Variants in DDX10 observed in about 807,000 individuals in gnomAD.
DDX10 encodes the protein DEAD-box helicase 10.
In DDX10, 74 loss-of-function variants were observed where a neutral mutation model predicts 104.3. The observed-to-expected ratio is 0.71, with a 90% CI of 0.59 to 0.86. The LOEUF is 0.86. Ranked by LOEUF, DDX10 falls within the 40% of genes least tolerant of loss-of-function variation. The pLI, the probability that DDX10 is intolerant of heterozygous loss-of-function variation, is 0.00. For missense variants in DDX10, 952 were observed against 1,040.0 expected, an observed-to-expected ratio of 0.92 and a Z score of 1.16; for synonymous variants, 351 against 353.4, an observed-to-expected ratio of 0.99 and a Z score of 0.08.
At chr11:108,695,791 A>G (rs2169562) in intron 9 of DDX10, among the ~76,000 whole-genome samples, 69,687 of 148,872 alleles carry the variant, frequency 0.47, 19,211 homozygotes, top group Non-Finnish European at 0.61. Flanking sequence ...TGATTGATTC[A>G]TGTTTATCCT....
chr11:108,896,218 A>G (rs1414428540), intron 16 of DDX10, among the ~76,000 whole-genome samples: 2 of 152,206 alleles, frequency 1.3e-5, no homozygotes, highest in African/African-American at 4.8e-5. Context: ...TCTAAAGAGT[A>G]CTGACAATGG....
intron 13 of DDX10, among the ~76,000 whole-genome samples, chr11:108,786,488 A>C (rs1591817862): frequency 6.6e-6 from 1 of 151,070 alleles, no homozygotes; most frequent in African/African-American, 2.4e-5. Context: ...TGGCGGTGTA[A>C]GTGTTTTCGT....
At chr11:108,734,840 G>T (rs2094316469) in intron 13 of DDX10, among the ~76,000 whole-genome samples, 1 of 152,180 alleles carries the variant, frequency 6.6e-6, no homozygotes, top group South Asian at 2.1e-4. Context: ...GAAATAAGGA[G>T]TTTTCAAATT....
At chr11:108,691,326 A>G (rs2094252199) in intron 7 of DDX10, among the ~76,000 whole-genome samples, 1 of 152,244 alleles carries the variant, frequency 6.6e-6, no homozygotes, top group African/African-American at 2.4e-5. Context: ...ATATTAGAGA[A>G]AATAAAATAA....
At chr11:108,728,806 G>A (rs1171135908) in intron 13 of DDX10, among the ~76,000 whole-genome samples, 1 of 152,058 alleles carries the variant, frequency 6.6e-6, no homozygotes, top group Non-Finnish European at 1.5e-5. Context: ...GCAGTAAGCC[G>A]CTGTGCCCTG....
At chr11:108,681,684 G>T (rs4754344) in intron 6 of DDX10, among the ~76,000 whole-genome samples, 25,045 of 152,114 alleles carry the variant, frequency 0.16, 2,255 homozygotes, top group East Asian at 0.3. Context: ...TTCATTATGT[G>T]GTTATATATA....
intron 16 of DDX10, among the ~76,000 whole-genome samples, chr11:108,915,589 A>C (rs2134662309): frequency 6.6e-6 from 1 of 152,284 alleles, no homozygotes; most frequent in South Asian, 2.1e-4. Context: ...TTTTCCAAGT[A>C]ACCAATGTAT....
chr11:108,725,154 G>A (rs1164620594), intron 13 of DDX10, among the ~76,000 whole-genome samples: 1 of 151,998 alleles, frequency 6.6e-6, no homozygotes, highest in Admixed American at 6.6e-5. Flanking sequence ...TGCATCAGTA[G>A]TTTGTTCCTT....
chr11:108,679,224 C>T (rs1420634027), intron 5 of DDX10, 147 bp from the exon 6 acceptor site: 1 of 663,840 alleles, frequency 1.5e-6, no homozygotes, highest in Non-Finnish European at 2.5e-6. Context: ...ATTGCTACAT[C>T]ATATAAATTC....
rs564914800 is a variant in DDX10 at position 108,727,184 on chromosome 11, T to C, written c.1965+3722T>C. On this transcript the variant is annotated intron_variant, in intron 13 of 17. Coordinates refer to ENST00000322536, the MANE Select transcript of DDX10 (RefSeq NM_004398.4). ...GAATATGACACATTTTGAAAGCTTT[T>C]TATATGTTTTGCCAGCATAGAGGTC... is the stretch of plus-strand genomic sequence containing the variant. Among the ~76,000 whole-genome samples, 96 of 152,064 alleles carry C rather than the reference T, an allele frequency of 6.3e-4. 4 individuals are homozygous for C. The highest frequency in any genetic ancestry group is 1.5e-5 in the Non-Finnish European group (1 of 67,986).
At chr11:108,929,818 A>T (rs1863953893) in intron 17 of DDX10, 1 of 152,202 alleles carries the variant, frequency 6.6e-6, no homozygotes, top group African/African-American at 2.4e-5. Flanking sequence ...TTGGGGGTAT[A>T]CTAACTCTTT....
Position 108,686,877 on chromosome 11 carries a change from C to T in DDX10, c.849-2059C>T, listed in dbSNP as rs531359331. Among the ~76,000 whole-genome samples, 8 of 152,152 alleles carry T rather than the reference C, an allele frequency of 5.3e-5. No individual in the cohort carries two copies. The East Asian group carries it at 9.7e-4, about 18-fold the overall frequency. On this transcript the variant is annotated intron_variant, in intron 6 of 17. Coordinates refer to ENST00000322536, the MANE Select transcript of DDX10 (RefSeq NM_004398.4). ...TCCCTTCACTGCAAGCTCTGCCCCT[C>T]GGGTTCATGCCATTCTCCTGCCTCA...
intron 13 of DDX10, among the ~76,000 whole-genome samples, chr11:108,754,206 C>T (rs1260575085): frequency 6.6e-6 from 1 of 151,990 alleles, no homozygotes; most frequent in Non-Finnish European, 1.5e-5. Context: ...GAATCATTTA[C>T]TGTTTCTAGT....
intron 13 of DDX10, among the ~76,000 whole-genome samples, chr11:108,822,825 T>C (rs1470340554): frequency 6.6e-6 from 1 of 152,240 alleles, no homozygotes; most frequent in African/African-American, 2.4e-5. Context: ...TCAGCATTGC[T>C]TAGGAAAATT....
chr11:108,776,579 A>C (rs1204314460), intron 13 of DDX10, among the ~76,000 whole-genome samples: 1 of 152,214 alleles, frequency 6.6e-6, no homozygotes, highest in Non-Finnish European at 1.5e-5. Flanking sequence ...CTTTGGCACC[A>C]ATAAATATAA....
At position 108,905,320 on chromosome 11, in the gene DDX10, G is replaced by T. The variant is rs113428249; in HGVS notation, c.2305-12553G>T. Among the ~76,000 whole-genome samples, 3 of 147,532 alleles carry T rather than the reference G, an allele frequency of 2.0e-5. 1 individual carries two copies. The highest frequency in any genetic ancestry group is 3.0e-5 in the Non-Finnish European group (2 of 66,720). On this transcript the variant is annotated intron_variant, in intron 16 of 17. Transcript: ENST00000322536. ...TACTATTAGATTGTTTAAGGGGGGG[G>T]GGGGTTGAAATCCTGTGATCCAGTC...
At chr11:108,898,834 A>G (rs2726893) in intron 16 of DDX10, among the ~76,000 whole-genome samples, 22,991 of 152,118 alleles carry the variant, frequency 0.15, 2,130 homozygotes, top group East Asian at 0.27. Context: ...TCCTGCTCAC[A>G]GTGTCAAAAG....
chr11:108,835,525 A>G (rs1390287896), intron 13 of DDX10, among the ~76,000 whole-genome samples: 2 of 152,244 alleles, frequency 1.3e-5, no homozygotes, highest in Non-Finnish European at 2.9e-5. Flanking sequence ...TGAACAAAGA[A>G]TTGGACAAAA....
chr11:108,796,749 GTGGAGGGAGGGGT>G (rs1861946223), intron 13 of DDX10, among the ~76,000 whole-genome samples: 1 of 152,200 alleles, frequency 6.6e-6, no homozygotes. Flanking sequence ...GATCCCTGAT[GTGGAGGGAGGGGT>G]TGGAGGTGGG....
Sources: gnomAD v4.1 joint callset for allele counts (sites outside exome capture counted in the v4.1 genomes callset) on GRCh38, gnomAD v4.1.1 for gene constraint, MANE v1.5 for transcripts, NCBI Gene and HGNC (gene_info 2026-07-23, HGNC 2026-07-21) for gene names.